Variants in ACTMAP observed in about 807,000 individuals in gnomAD.
The protein encoded by ACTMAP is UPF0692 protein C19orf54.
the ACTMAP span, chr19:40,749,466 G>C: frequency 6.5e-7 from 1 of 1,546,960 alleles, no homozygotes; most frequent in South Asian, 1.2e-5. Context: ...GGTGGGTGGG[G>C]CATGGAGACC....
chr19:40,744,010 G>A, the ACTMAP span: 7 of 1,613,846 alleles, frequency 4.3e-6, no homozygotes, highest in African/African-American at 4.0e-5. Flanking sequence ...CGATGGTGTG[G>A]CCCTGGGACC....
chr19:40,744,863 G>C, the ACTMAP span: 11 of 1,005,046 alleles, frequency 1.1e-5, no homozygotes, highest in East Asian at 2.6e-5. Flanking sequence ...GGTGGAAGGC[G>C]GGGGAGAGGT....
chr19:40,742,669 G>C, the ACTMAP span: 1 of 1,613,414 alleles, frequency 6.2e-7, no homozygotes, highest in Non-Finnish European at 8.5e-7. Flanking sequence ...GGCAGGGATG[G>C]TGGTTGGCAG....
At chr19:40,741,828 G>T in the ACTMAP span, 1 of 456,556 alleles carries the variant, frequency 2.2e-6, no homozygotes, top group Admixed American at 2.3e-5. Context: ...AGGTAGAGGG[G>T]CTGGCACAGG....
the ACTMAP span, chr19:40,749,660 C>G: frequency 1.3e-6 from 2 of 1,546,166 alleles, no homozygotes; most frequent in Non-Finnish European, 1.7e-6. Flanking sequence ...CAGGGGTCTG[C>G]TGACTCCAGG....
At chr19:40,741,096 C>G in the ACTMAP span, 1 of 398,788 alleles carries the variant, frequency 2.5e-6, no homozygotes, top group Non-Finnish European at 4.4e-6. Flanking sequence ...ACAGGCTGAT[C>G]AGGGCTGGGA....
chr19:40,745,169 A>T, the ACTMAP span: 1 of 1,551,830 alleles, frequency 6.4e-7, no homozygotes, highest in Non-Finnish European at 8.7e-7. Context: ...GTCTGCACAG[A>T]AGAGGATCCA....
chr19:40,749,545 T>C, the ACTMAP span: 7 of 1,551,108 alleles, frequency 4.5e-6, no homozygotes, highest in Admixed American at 2.0e-5. Context: ...GGGCCGGCCT[T>C]ATCAAAGGCC....
the ACTMAP span, among the ~76,000 whole-genome samples, chr19:40,745,776 G>A: frequency 6.6e-6 from 1 of 152,126 alleles, no homozygotes; most frequent in South Asian, 2.1e-4. Context: ...GGGTTCAAGT[G>A]GGTCTCCTGC....
At chr19:40,749,815 CAGG>C in the ACTMAP span, 4 of 1,437,236 alleles carry the variant, frequency 2.8e-6, no homozygotes, top group Non-Finnish European at 3.7e-6. Flanking sequence ...TTGGGGTCTA[CAGG>C]AGGTGTTGAG....
chr19:40,744,033 C>A, the ACTMAP span: 23 of 1,613,954 alleles, frequency 1.4e-5, no homozygotes, highest in East Asian at 5.1e-4. Flanking sequence ...CCCTTTGCCA[C>A]CCCTGCCCTC....
chr19:40,743,288 A>C, the ACTMAP span, among the ~76,000 whole-genome samples: 1 of 148,738 alleles, frequency 6.7e-6, no homozygotes, highest in African/African-American at 2.5e-5. Flanking sequence ...GTTGGAGTGC[A>C]GTGGCACGAT....
chr19:40,745,235 C>T, the ACTMAP span: 1 of 1,548,576 alleles, frequency 6.5e-7, no homozygotes, highest in Admixed American at 2.0e-5. Flanking sequence ...AGGGAGCCAG[C>T]TCTGAAGCAC....
chr19:40,744,804 G>C, the ACTMAP span: 1 of 1,395,478 alleles, frequency 7.2e-7, no homozygotes. Flanking sequence ...AGGCCAGCGA[G>C]GGAGACCTGA....
chr19:40,744,434 T>C, the ACTMAP span: 1 of 1,482,650 alleles, frequency 6.7e-7, no homozygotes, highest in South Asian at 1.3e-5. Flanking sequence ...TCTGCTCTAC[T>C]GGGCAGTGGG....
chr19:40,749,242 C>G, the ACTMAP span, among the ~76,000 whole-genome samples: 1 of 152,124 alleles, frequency 6.6e-6, no homozygotes, highest in African/African-American at 2.4e-5. Context: ...CCACCCGCCT[C>G]GGCCTCCCAA....
chr19:40,746,400 T>C, the ACTMAP span, among the ~76,000 whole-genome samples: 2 of 149,930 alleles, frequency 1.3e-5, no homozygotes, highest in Non-Finnish European at 3.0e-5. Context: ...TTTGTTTTTG[T>C]TTTTGTTTTT....
At chr19:40,743,186 G>A in the ACTMAP span, among the ~76,000 whole-genome samples, 1 of 151,812 alleles carries the variant, frequency 6.6e-6, no homozygotes, top group Non-Finnish European at 1.5e-5. Flanking sequence ...TGATGAAAAC[G>A]GTGCTGGTAA....
the ACTMAP span, chr19:40,743,886 C>T: frequency 6.2e-7 from 1 of 1,613,448 alleles, no homozygotes; most frequent in Non-Finnish European, 8.5e-7. Flanking sequence ...GGGGTGCAGA[C>T]AAAGGAGGGG....
Sources: allele counts gnomAD v4.1 joint callset (sites outside exome capture counted in the v4.1 genomes callset), GRCh38; gene constraint gnomAD v4.1.1; transcripts MANE v1.5; gene names NCBI Gene and HGNC (gene_info 2026-07-23, HGNC 2026-07-21).